TMPRSS15: variants seen among roughly 807,000 people sequenced by gnomAD.
TMPRSS15 encodes enteropeptidase.
TMPRSS15 carries 128 observed loss-of-function variants against 125.3 expected under a neutral mutation model. The ratio of observed to expected loss-of-function variants is 1.02; its 90% CI spans 0.89 to 1.18. The LOEUF is 1.18. Ranked by LOEUF, TMPRSS15 falls within the 50% of genes most tolerant of loss-of-function variation. The pLI is 0.00. For missense variants in TMPRSS15, 1,283 were observed against 1,212.7 expected (o/e 1.06, Z -0.86); for synonymous variants, 446 against 423.2 (o/e 1.05, Z -0.66).
chr21:18,310,606 T>C (rs770606526), intron 18 of TMPRSS15, among the ~76,000 whole-genome samples: 11 of 152,058 alleles, frequency 7.2e-5, no homozygotes, highest in Non-Finnish European at 1.2e-4. Flanking sequence ...TTGGAAGACT[T>C]AATATTGTTA....
At chr21:18,350,630 A>ACT (rs2075558128) in intron 10 of TMPRSS15, among the ~76,000 whole-genome samples, 1 of 152,074 alleles carries the variant, frequency 6.6e-6, no homozygotes, top group Non-Finnish European at 1.5e-5. Flanking sequence ...AATGAGACTT[A>ACT]CTGCTCATCT....
intron 1 of TMPRSS15, among the ~76,000 whole-genome samples, chr21:18,429,689 A>T (rs2076212283): frequency 6.6e-6 from 1 of 152,220 alleles, no homozygotes. Flanking sequence ...TGTAAGTCCA[A>T]TTAAACCTCT....
intron 16 of TMPRSS15, among the ~76,000 whole-genome samples, chr21:18,317,895 AT>A (rs2075188432): frequency 1.3e-4 from 15 of 119,276 alleles, no homozygotes; most frequent in Middle Eastern, 4.3e-3. Flanking sequence ...ATCCCATCCC[AT>A]CCCATCCCAT....
At chr21:18,297,368 T>G (rs1428161957) in intron 19 of TMPRSS15, among the ~76,000 whole-genome samples, 2 of 152,160 alleles carry the variant, frequency 1.3e-5, no homozygotes, top group African/African-American at 4.8e-5. Flanking sequence ...CTGCCTCCAG[T>G]CTGATCAACA....
intron 10 of TMPRSS15, among the ~76,000 whole-genome samples, chr21:18,350,738 G>A (rs9978650): frequency 0.41 from 61,402 of 151,088 alleles, 12,618 homozygotes; most frequent in South Asian, 0.59. Flanking sequence ...ACACACCAAG[G>A]AACAATTAAT....
At chr21:18,346,406 C>T (rs963203873) in intron 10 of TMPRSS15, among the ~76,000 whole-genome samples, 1 of 152,128 alleles carries the variant, frequency 6.6e-6, no homozygotes, top group African/African-American at 2.4e-5. Flanking sequence ...AGCTTATACG[C>T]ACCTATTATA....
At chr21:18,398,432 G>C in intron 1 of TMPRSS15, 103 bp from the exon 2 acceptor site, 3 of 1,215,300 alleles carry the variant, frequency 2.5e-6, no homozygotes, top group Non-Finnish European at 3.6e-6. Flanking sequence ...CGCCTGATGT[G>C]TTAGCTCTGT....
chr21:18,417,208 T>C (rs1471714140), intron 1 of TMPRSS15, among the ~76,000 whole-genome samples: 1 of 152,068 alleles, frequency 6.6e-6, no homozygotes, highest in Non-Finnish European at 1.5e-5. Flanking sequence ...AAATTGTCTA[T>C]TACCTTTTCT....
At chr21:18,398,062 T>C (rs1350399919) in intron 2 of TMPRSS15, 116 bp from the exon 3 acceptor site, 1 of 1,248,530 alleles carries the variant, frequency 8.0e-7, no homozygotes, top group South Asian at 1.3e-5. Context: ...ATTTTCTCCA[T>C]AGTAATGGGG....
chr21:18,343,983 T>C lies in TMPRSS15; in HGVS notation c.1249A>G (p.Thr417Ala), dbSNP rs747727417. The C allele has an allele frequency of 6.2e-7, 1 of 1,614,116 alleles. No homozygotes were observed. The highest frequency in any genetic ancestry group is 1.3e-5 in the African/African-American group (1 of 75,050). ...AAACTAAGGCAAGCTGGCTCCAAAGTGGGGTCCAAAGGGAGGCTTAAAAGC... is the reference window on the plus strand; with the variant it reads ...AAACTAAGGCAAGCTGGCTCCAAAGCGGGGTCCAAAGGGAGGCTTAAAAGC... Reference protein sequence around the residue: ...VGLLSLPLDPTLEPACLSFWY... With the variant: ...VGLLSLPLDPALEPACLSFWY... Residue 417 changes from threonine (T) to alanine (A), a missense_variant, in exon 11 of 25, where the codon ACT (threonine) becomes GCT (alanine). Transcript: ENST00000284885.
At chr21:18,271,282 T>A (rs2074552416) in intron 24 of TMPRSS15, among the ~76,000 whole-genome samples, 1 of 152,236 alleles carries the variant, frequency 6.6e-6, no homozygotes, top group African/African-American at 2.4e-5. Context: ...AAGTACATTT[T>A]ATATGACTTG....
At chr21:18,286,804 C>T (rs540696384) in intron 21 of TMPRSS15, among the ~76,000 whole-genome samples, 5 of 152,270 alleles carry the variant, frequency 3.3e-5, no homozygotes, top group East Asian at 1.9e-4. Flanking sequence ...CTCCAGGGCT[C>T]GATCCATAGT....
intron 23 of TMPRSS15, among the ~76,000 whole-genome samples, chr21:18,276,469 A>G (rs2074621767): frequency 6.6e-6 from 1 of 152,196 alleles, no homozygotes; most frequent in South Asian, 2.1e-4. Context: ...GGAGGAGAAA[A>G]TTTGGCATCT....
At chr21:18,344,191 C>T (rs1004826458) in intron 10 of TMPRSS15, 131 bp from the exon 11 acceptor site, 4 of 778,908 alleles carry the variant, frequency 5.1e-6, no homozygotes, top group Admixed American at 4.6e-5. Context: ...ATATAGTGGA[C>T]AGGACACTAG....
intron 1 of TMPRSS15, among the ~76,000 whole-genome samples, chr21:18,400,370 A>G (rs1160385643): frequency 6.6e-6 from 1 of 152,202 alleles, no homozygotes; most frequent in African/African-American, 2.4e-5. Context: ...AGTAGTACAA[A>G]TACAGATACA....
At chr21:18,306,331 T>G (rs1476645702) in intron 18 of TMPRSS15, among the ~76,000 whole-genome samples, 1 of 152,212 alleles carries the variant, frequency 6.6e-6, no homozygotes, top group Non-Finnish European at 1.5e-5. Context: ...CTAAGTTGTA[T>G]AAACAAATTC....
At chr21:18,375,169 G>A (rs561976384) in intron 5 of TMPRSS15, among the ~76,000 whole-genome samples, 19 of 152,214 alleles carry the variant, frequency 1.2e-4, no homozygotes, top group African/African-American at 4.3e-4. Flanking sequence ...AAACTAGTAT[G>A]AAAAATATGA....
intron 10 of TMPRSS15, among the ~76,000 whole-genome samples, chr21:18,347,951 T>A (rs1601370188): frequency 6.6e-6 from 1 of 152,122 alleles, no homozygotes; most frequent in East Asian, 1.9e-4. Context: ...CTAATAATAA[T>A]GATAGCTGTG....
intron 12 of TMPRSS15, 109 bp from the exon 13 acceptor site, chr21:18,341,657 G>T (rs750675029): frequency 8.6e-5 from 105 of 1,215,018 alleles, no homozygotes; most frequent in Non-Finnish European, 1.2e-4. Flanking sequence ...ATTCAATATT[G>T]TCACCTTGAA....
Sources: allele counts gnomAD v4.1 joint callset (sites outside exome capture counted in the v4.1 genomes callset), GRCh38; gene constraint gnomAD v4.1.1; transcripts MANE v1.5; gene names NCBI Gene and HGNC (gene_info 2026-07-23, HGNC 2026-07-21).